The following RAC1 variants were observed in gnomAD, a reference collection of about 807,000 sequenced individuals.
RAC1 encodes the protein Rac family small GTPase 1.
In RAC1, 2 loss-of-function variants were observed where a neutral mutation model predicts 25.2. The observed-to-expected ratio is 0.08, with a 90% CI of 0.03 to 0.25. The LOEUF (loss-of-function observed/expected upper bound fraction) is 0.25, where lower values mean the gene tolerates loss of function less well. Among genes scored for constraint, RAC1 ranks in the 10% least tolerant of loss-of-function variants. The probability of loss-of-function intolerance (pLI) is 1.00; values close to 1 mark genes in which losing one functional copy is unlikely to be tolerated. For missense variants in RAC1, 50 were observed against 235.7 expected (o/e 0.21, Z 5.16); for synonymous variants, 88 against 94.0 (o/e 0.94, Z 0.37).
At chr7:6,400,726 A>C (rs1783375089) in intron 4 of RAC1, among the ~76,000 whole-genome samples, 1 of 151,758 alleles carries the variant, frequency 6.6e-6, no homozygotes, top group South Asian at 2.1e-4. Context: ...CCCAGGCTGG[A>C]GTGCAGTGAC....
At chr7:6,397,266 AAAAG>A (rs1215268454) in intron 3 of RAC1, among the ~76,000 whole-genome samples, 13 of 139,764 alleles carry the variant, frequency 9.3e-5, no homozygotes, top group African/African-American at 2.1e-4. Flanking sequence ...AAAAAAGAAA[AAAAG>A]AAAAGCTTGA....
chr7:6,375,803 G>T (rs895110951), intron 1 of RAC1: 2 of 151,914 alleles, frequency 1.3e-5, no homozygotes, highest in Admixed American at 1.3e-4. Context: ...GTCCGTGATG[G>T]TTACAGGCCC....
chr7:6,391,601 T>C (rs192703773), intron 2 of RAC1: 1 of 316,568 alleles, frequency 3.2e-6, no homozygotes, highest in African/African-American at 2.1e-5. Flanking sequence ...AAAGCGGGGC[T>C]AATTGTACCC....
At chr7:6,381,422 C>G (rs184581055) in intron 1 of RAC1, among the ~76,000 whole-genome samples, 2 of 138,744 alleles carry the variant, frequency 1.4e-5, no homozygotes, top group East Asian at 4.3e-4. Flanking sequence ...GAAACAGAGT[C>G]TTGCTCTGTC....
chr7:6,382,549 A>G (rs556431284), intron 1 of RAC1, among the ~76,000 whole-genome samples: 22 of 152,076 alleles, frequency 1.4e-4, no homozygotes, highest in Non-Finnish European at 2.8e-4. Flanking sequence ...AGTTTACCCT[A>G]CTCTCCTCAA....
At chr7:6,379,802 G>A (rs991352702) in intron 1 of RAC1, among the ~76,000 whole-genome samples, 1 of 152,108 alleles carries the variant, frequency 6.6e-6, no homozygotes, top group Non-Finnish European at 1.5e-5. Context: ...AGGCCGGGGT[G>A]CAGTGGCATG....
At chr7:6,377,380 G>T (rs893538331) in intron 1 of RAC1, among the ~76,000 whole-genome samples, 3 of 152,056 alleles carry the variant, frequency 2.0e-5, no homozygotes, top group Non-Finnish European at 4.4e-5. Context: ...GATCACTAGA[G>T]CTTAGGAGTT....
chr7:6,397,219 C>T lies in RAC1; in HGVS notation c.226-2907C>T, dbSNP rs1478850778. Among the ~76,000 whole-genome samples, 93 of 137,012 alleles carry T rather than the reference C, an allele frequency of 6.8e-4. 1 individual carries two copies. Among genetic ancestry groups the T allele is most frequent in the Non-Finnish European group, 1.1e-3 (69 of 64,470 alleles). 89.9% of individuals were successfully genotyped at this position (137,012 alleles called of 152,430 possible). Reference sequence around the variant, plus strand: ...TCGCGCCACTGCACTCCAGCCTGGGCGACAGAGCGAGACTCTGTCTCAAAA... The same window carrying T: ...TCGCGCCACTGCACTCCAGCCTGGGTGACAGAGCGAGACTCTGTCTCAAAA... On this transcript the variant is annotated intron_variant, in intron 3 of 5. Coordinates refer to ENST00000348035, the MANE Select transcript of RAC1 (RefSeq NM_006908.5).
intron 5 of RAC1, 51 bp from the exon 6 acceptor site, chr7:6,402,265 A>C: frequency 6.4e-7 from 1 of 1,553,572 alleles, no homozygotes; most frequent in Non-Finnish European, 8.7e-7. Flanking sequence ...TGGTGTGATC[A>C]GAAGAGAGTG....
intron 4 of RAC1, among the ~76,000 whole-genome samples, chr7:6,401,248 GC>G (rs1783392892): frequency 6.6e-6 from 1 of 152,190 alleles, no homozygotes; most frequent in Non-Finnish European, 1.5e-5. Flanking sequence ...GAGCCACTAT[GC>G]CCGGCCTAAT....
rs188629172 is a variant in RAC1 at position 6,403,822 on chromosome 7, G to C, written c.*1376G>C. 1.4e-5 allele frequency: 3 copies of C among 219,872 alleles called. No individual in the cohort carries two copies. The highest frequency in any genetic ancestry group is 5.8e-5 in the Admixed American group (1 of 17,328). The allele number at this position is 219,872 out of a possible 1,614,324, so 13.6% of individuals were successfully genotyped here. On this transcript the variant is annotated 3_prime_UTR_variant, in exon 6 of 6. Transcript: ENST00000348035. ...TCTGTACAACTTAACTCACTGGCGA[G>C]AATACAGCGTGGGACCCTTCAGCCA...
chr7:6,377,132 G>C (rs1782626875), intron 1 of RAC1, among the ~76,000 whole-genome samples: 1 of 151,634 alleles, frequency 6.6e-6, no homozygotes, highest in Non-Finnish European at 1.5e-5. Context: ...TGTTATTGCG[G>C]TTTCTACTAC....
At chr7:6,382,956 G>T (rs972514510) in intron 1 of RAC1, among the ~76,000 whole-genome samples, 1 of 152,148 alleles carries the variant, frequency 6.6e-6, no homozygotes, top group African/African-American at 2.4e-5. Flanking sequence ...ACAGGACAGG[G>T]CAGGGGAAGC....
In RAC1 at chr7:6,400,194, TG is replaced by T. The variant is rs1258708126; in HGVS notation, c.288+10del. 2 of 1,602,660 alleles carry T rather than the reference TG, an allele frequency of 1.2e-6. No homozygotes were observed. The highest frequency in any genetic ancestry group is 2.2e-4 in the Middle Eastern group (1 of 4,550). ...TTGAAAATGTCCGTGCAAAGGTAGG[TG>T]GGGATTTAAAATGTGTATGTAAGTT... is the stretch of plus-strand genomic sequence containing the variant. On this transcript the variant is annotated splice_region_variant and intron_variant, in intron 4 of 5. Transcript: ENST00000348035.
At chr7:6,389,356 A>C (rs1006609346) in intron 2 of RAC1, among the ~76,000 whole-genome samples, 2 of 151,554 alleles carry the variant, frequency 1.3e-5, no homozygotes, top group African/African-American at 4.9e-5. Flanking sequence ...TTTCATTTCC[A>C]ATCACAGATG....
intron 1 of RAC1, among the ~76,000 whole-genome samples, chr7:6,377,114 C>G (rs1197395290): frequency 6.6e-6 from 1 of 151,834 alleles, no homozygotes; most frequent in African/African-American, 2.4e-5. Flanking sequence ...TTAGTAAATG[C>G]CAGGTACTGT....
chr7:6,389,125 C>T (rs2115196015), intron 2 of RAC1, among the ~76,000 whole-genome samples: 1 of 151,776 alleles, frequency 6.6e-6, no homozygotes, highest in Non-Finnish European at 1.5e-5. Flanking sequence ...TTGCTTGAAC[C>T]CGGGAAGCAG....
intron 1 of RAC1, among the ~76,000 whole-genome samples, chr7:6,381,704 C>G (rs1437339998): frequency 6.6e-6 from 1 of 152,080 alleles, no homozygotes; most frequent in Non-Finnish European, 1.5e-5. Context: ...TTATGGCTAG[C>G]TTTCTTTACA....
At chr7:6,397,929 C>T (rs1004883557) in intron 3 of RAC1, among the ~76,000 whole-genome samples, 10 of 152,178 alleles carry the variant, frequency 6.6e-5, no homozygotes, top group African/African-American at 2.4e-4. Flanking sequence ...GCAGAGGTTG[C>T]AGTGAGCTGA....
Sources: allele counts gnomAD v4.1 joint callset (sites outside exome capture counted in the v4.1 genomes callset), GRCh38; gene constraint gnomAD v4.1.1; transcripts MANE v1.5; gene names NCBI Gene and HGNC (gene_info 2026-07-23, HGNC 2026-07-21).